The following SNX29 variants were observed in gnomAD, a reference collection of about 807,000 sequenced individuals.
SNX29 encodes sorting nexin 29.
In SNX29, 78 loss-of-function variants were observed where a neutral mutation model predicts 102.1. The observed-to-expected ratio is 0.76, with a 90% CI of 0.64 to 0.92. The LOEUF is 0.92. SNX29 is among the 40% of genes least tolerant of loss of function. The pLI is 0.00. For missense variants in SNX29, 1,280 were observed against 1,061.7 expected (o/e 1.21, Z -2.86); for synonymous variants, 580 against 414.5 (o/e 1.40, Z -4.85).
chr16:12,548,696 G>C (rs2141321876), intron 20 of SNX29, among the ~76,000 whole-genome samples: 1 of 152,322 alleles, frequency 6.6e-6, no homozygotes, highest in African/African-American at 2.4e-5. Flanking sequence ...GAGCACTGCA[G>C]GGCATTGTAC....
At chr16:12,550,486 C>T (rs1420071657) in intron 20 of SNX29, among the ~76,000 whole-genome samples, 2 of 145,890 alleles carry the variant, frequency 1.4e-5, no homozygotes, top group African/African-American at 2.5e-5. Flanking sequence ...AGTGAGCTGA[C>T]ATTGTGTCAT....
chr16:12,361,998 G>A (rs905828529), intron 16 of SNX29, among the ~76,000 whole-genome samples: 2 of 152,118 alleles, frequency 1.3e-5, no homozygotes, highest in Admixed American at 6.6e-5. Flanking sequence ...TGTTAATAAC[G>A]AGCACATGCC....
chr16:12,257,784 T>C (rs554261446), intron 14 of SNX29, among the ~76,000 whole-genome samples: 3 of 151,098 alleles, frequency 2.0e-5, no homozygotes, highest in African/African-American at 7.3e-5. Flanking sequence ...CACCTCAGCC[T>C]CCCAAAGTGC....
At chr16:12,171,536 T>C (rs1438672475) in intron 13 of SNX29, among the ~76,000 whole-genome samples, 2 of 152,222 alleles carry the variant, frequency 1.3e-5, no homozygotes, top group Non-Finnish European at 1.5e-5. Flanking sequence ...GCTGTAGCTG[T>C]GTTCCACAGG....
intron 4 of SNX29, among the ~76,000 whole-genome samples, chr16:12,032,661 C>T: frequency 6.6e-6 from 1 of 151,910 alleles, no homozygotes; most frequent in East Asian, 1.9e-4. Context: ...GTTTTTTCCA[C>T]TTTTAGTTCT....
In SNX29 at chr16:11,999,281, C is replaced by G. The variant is rs1309888325; in HGVS notation, c.8-16C>G. 3 of 1,613,646 alleles carry G rather than the reference C, an allele frequency of 1.9e-6. No homozygotes were observed. Among genetic ancestry groups the G allele is most frequent in the Non-Finnish European group, 1.7e-6 (2 of 1,179,716 alleles). ...CGAGCGTCAGAGAGAACTAATTAAG[C>G]CTCATTGCATTTTAGGATCACAGAA... On this transcript the variant is annotated splice_polypyrimidine_tract_variant and intron_variant, in intron 1 of 20. Coordinates refer to ENST00000566228, the MANE Select transcript of SNX29 (RefSeq NM_032167.5).
At chr16:12,205,517 G>T (rs936694077) in intron 14 of SNX29, among the ~76,000 whole-genome samples, 3 of 151,888 alleles carry the variant, frequency 2.0e-5, no homozygotes, top group African/African-American at 7.3e-5. Context: ...CCCCACCCAC[G>T]CTGGCCTTTA....
intron 19 of SNX29, among the ~76,000 whole-genome samples, chr16:12,490,036 C>T (rs1219624946): frequency 1.3e-5 from 2 of 152,114 alleles, no homozygotes; most frequent in Admixed American, 6.6e-5. Context: ...AAACTCCTGG[C>T]CTCAAGTGAT....
In SNX29 at chr16:12,061,449, G is replaced by T. The variant is rs566032333; in HGVS notation, c.1125-79G>T. Reference sequence around the variant, plus strand: ...CTTGGCCTGGTTAGTTCTCAGGAGGGTGCTGTGGATGCTTGTTGGTGAGTC... The same window carrying T: ...CTTGGCCTGGTTAGTTCTCAGGAGGTTGCTGTGGATGCTTGTTGGTGAGTC... On this transcript the variant is annotated intron_variant, in intron 8 of 20. Coordinates refer to ENST00000566228, the MANE Select transcript of SNX29 (RefSeq NM_032167.5). 124 of 1,188,386 alleles carry T rather than the reference G, an allele frequency of 1.0e-4. No homozygotes were observed. In the African/African-American group the frequency reaches 1.7e-3, roughly 16 times the overall value. 73.6% of individuals were successfully genotyped at this position (1,188,386 alleles called of 1,614,324 possible).
At chr16:12,035,324 A>C (rs922729323) in intron 4 of SNX29, among the ~76,000 whole-genome samples, 18 of 150,028 alleles carry the variant, frequency 1.2e-4, no homozygotes, top group African/African-American at 4.4e-4. Flanking sequence ...CGATCCTCCT[A>C]CTTCGGCCTC....
intron 9 of SNX29, among the ~76,000 whole-genome samples, chr16:12,063,461 G>A (rs1314845259): frequency 1.5e-5 from 2 of 136,436 alleles, no homozygotes; most frequent in African/African-American, 5.5e-5. Context: ...TGCAACCTCC[G>A]CCTTCTGGGT....
At chr16:12,454,336 C>T (rs578055270) in intron 18 of SNX29, among the ~76,000 whole-genome samples, 15 of 152,346 alleles carry the variant, frequency 9.8e-5, no homozygotes, top group African/African-American at 3.4e-4. Flanking sequence ...GACTGCCTCC[C>T]TGCAGACTGC....
chr16:12,480,604 T>G (rs983526577), intron 19 of SNX29, among the ~76,000 whole-genome samples: 1 of 152,122 alleles, frequency 6.6e-6, no homozygotes, highest in African/African-American at 2.4e-5. Flanking sequence ...GGGCCATTAT[T>G]GCGCCCACCA....
At chr16:12,279,658 G>T (rs1007662428) in intron 15 of SNX29, among the ~76,000 whole-genome samples, 32 of 152,338 alleles carry the variant, frequency 2.1e-4, no homozygotes, top group African/African-American at 6.7e-4. Context: ...GACGACTTGT[G>T]TCAGGATTCG....
intron 14 of SNX29, among the ~76,000 whole-genome samples, chr16:12,219,259 T>C (rs1465510291): frequency 7.7e-6 from 1 of 130,502 alleles, no homozygotes; most frequent in East Asian, 2.0e-4. Flanking sequence ...CTACATCATC[T>C]TTTTTTTTTT....
intron 13 of SNX29, among the ~76,000 whole-genome samples, chr16:12,171,674 A>C (rs2076152686): frequency 6.6e-6 from 1 of 152,250 alleles, no homozygotes; most frequent in Non-Finnish European, 1.5e-5. Flanking sequence ...AGATTTCAGG[A>C]CAGGGAACTG....
In SNX29 at chr16:12,450,425, A is replaced by C. The variant is rs372228424; in HGVS notation, c.2038-27294A>C. 7.2e-5 allele frequency among the ~76,000 whole-genome samples: 11 copies of C among 152,332 alleles called. No homozygotes were observed. The South Asian group carries it at 2.3e-3, about 32-fold the overall frequency. On this transcript the variant is annotated intron_variant, in intron 18 of 20. Transcript: ENST00000566228. ...TGCAAATGGGATCAACTTGACTTCAAGTCAGTGAGAAAAGGGTACAGCTCT... is the reference window on the plus strand; with the variant it reads ...TGCAAATGGGATCAACTTGACTTCACGTCAGTGAGAAAAGGGTACAGCTCT...
chr16:12,464,151 C>T (rs958157346), intron 18 of SNX29, among the ~76,000 whole-genome samples: 4 of 151,204 alleles, frequency 2.6e-5, no homozygotes, highest in East Asian at 2.0e-4. Context: ...TGGTGTAATA[C>T]GATCCCCTCC....
chr16:12,167,925 G>T (rs934037658), intron 13 of SNX29, among the ~76,000 whole-genome samples: 4 of 152,178 alleles, frequency 2.6e-5, no homozygotes, highest in African/African-American at 9.7e-5. Context: ...AAAGGAGACT[G>T]CGTGGCTCAC....
Sources: allele counts gnomAD v4.1 joint callset (sites outside exome capture counted in the v4.1 genomes callset), GRCh38; gene constraint gnomAD v4.1.1; transcripts MANE v1.5; gene names NCBI Gene and HGNC (gene_info 2026-07-23, HGNC 2026-07-21).